Variants in UBE2QL1 observed in about 807,000 individuals in gnomAD.
The protein encoded by UBE2QL1 is ubiquitin conjugating enzyme E2 QL1.
UBE2QL1 carries 5 observed loss-of-function variants against 12.6 expected under a neutral mutation model. The observed-to-expected ratio is 0.40, with a 90% CI of 0.21 to 0.83. The LOEUF (loss-of-function observed/expected upper bound fraction) is 0.83. Among genes scored for constraint, UBE2QL1 ranks in the 40% least tolerant of loss-of-function variants. The pLI is 0.37. For missense variants in UBE2QL1, 99 were observed against 222.6 expected (o/e 0.44, Z 3.53); for synonymous variants, 96 against 94.5 (o/e 1.02, Z -0.10).
intron 1 of UBE2QL1, among the ~76,000 whole-genome samples, chr5:6,486,311 CACACACACACACAA>C (rs972514080): frequency 4.8e-5 from 7 of 144,352 alleles, no homozygotes; most frequent in African/African-American, 1.6e-4. Flanking sequence ...CACACACAAG[CACACACACACACAA>C]GCACACACAC....
chr5:6,478,742 C>T lies in UBE2QL1; in HGVS notation c.355-12476C>T, dbSNP rs1734289394. 6.6e-6 allele frequency among the ~76,000 whole-genome samples: 1 copy of T among 152,028 alleles called. No homozygotes were observed. Among genetic ancestry groups the T allele is most frequent in the African/African-American group, 2.4e-5 (1 of 41,394 alleles). Reference sequence around the variant, plus strand: ...ATGAAGTGTCCTGATCACCCAATGGCACGGGTGATCAAAGCCACAGCAGAC... The same window carrying T: ...ATGAAGTGTCCTGATCACCCAATGGTACGGGTGATCAAAGCCACAGCAGAC... On this transcript the variant is annotated intron_variant, in intron 1 of 1. Coordinates refer to ENST00000399816, the MANE Select transcript of UBE2QL1 (RefSeq NM_001145161.3). The surrounding 1 kb of genome is among the most constrained non-coding windows in gnomAD (Gnocchi z 4.5).
At chr5:6,466,704 C>T (rs147453130) in intron 1 of UBE2QL1, among the ~76,000 whole-genome samples, 13 of 152,222 alleles carry the variant, frequency 8.5e-5, no homozygotes, top group Non-Finnish European at 1.3e-4. Context: ...AAGCCAGGGC[C>T]GTCAAAAGGC....
Position 6,468,764 on chromosome 5 carries a change from A to G in UBE2QL1, c.354+19517A>G, listed in dbSNP as rs549240863. Among the ~76,000 whole-genome samples, 20 of 152,292 alleles carry G rather than the reference A, an allele frequency of 1.3e-4. No individual in the cohort carries two copies. The South Asian group carries it at 4.2e-3, about 32-fold the overall frequency. On this transcript the variant is annotated intron_variant, in intron 1 of 1. Coordinates refer to ENST00000399816, the MANE Select transcript of UBE2QL1 (RefSeq NM_001145161.3). Reference sequence around the variant, plus strand: ...CTTCCGGAAATGATTATTAGTTGTTAATTTTATTGATCAAATTGTTTGAAA... The same window carrying G: ...CTTCCGGAAATGATTATTAGTTGTTGATTTTATTGATCAAATTGTTTGAAA...
rs78484203 is a variant in UBE2QL1, at chr5:6,455,210, G to A, written c.354+5963G>A. ...CTGTTTCTTAGTGGAATGTGCCCAT[G>A]TGGACACTAAGCTGAAGTCTGAATG... On this transcript the variant is annotated intron_variant, in intron 1 of 1. Transcript: ENST00000399816. Among the ~76,000 whole-genome samples the A allele has an allele frequency of 9.4e-3, 1,427 of 152,268 alleles. 12 individuals carry two copies. The highest frequency in any genetic ancestry group is 0.033 in the African/African-American group (1,377 of 41,534).
chr5:6,485,074 ATAAG>A (rs1173357064), intron 1 of UBE2QL1, among the ~76,000 whole-genome samples: 1 of 152,122 alleles, frequency 6.6e-6, no homozygotes, highest in Non-Finnish European at 1.5e-5. Flanking sequence ...ATACATGTGT[ATAAG>A]TACCCACAAA....
intron 1 of UBE2QL1, among the ~76,000 whole-genome samples, chr5:6,461,807 C>T (rs1739672936): frequency 2.0e-5 from 3 of 152,260 alleles, no homozygotes; most frequent in Non-Finnish European, 2.9e-5. Context: ...TTCCGATCAC[C>T]CTATCCTGAG....
Position 6,495,716 on chromosome 5 carries a change from T to TGTAA in UBE2QL1, c.*4369_*4372dup, listed in dbSNP as rs1473061429. ...CCCTCCAACTGTTTTGGGAAGCTTC[T>TGTAA]GTAAGGGGCTTGGAGCTCAGCCTAT... On this transcript the variant is annotated 3_prime_UTR_variant, in exon 2 of 2. Coordinates refer to ENST00000399816, the MANE Select transcript of UBE2QL1 (RefSeq NM_001145161.3). Among the ~76,000 whole-genome samples, 1 of 152,200 alleles carries TGTAA rather than the reference T, an allele frequency of 6.6e-6. No homozygotes were observed. Among genetic ancestry groups the TGTAA allele is most frequent in the African/African-American group, 2.4e-5 (1 of 41,448 alleles).
chr5:6,486,283 C>G (rs1183722228), intron 1 of UBE2QL1, among the ~76,000 whole-genome samples: 2 of 151,898 alleles, frequency 1.3e-5, no homozygotes, highest in Admixed American at 6.6e-5. Flanking sequence ...AATTATGCAA[C>G]TCCTTCCCCA....
chr5:6,481,182 C>G lies in UBE2QL1; in HGVS notation c.355-10036C>G, dbSNP rs1341340997. 2.6e-5 allele frequency among the ~76,000 whole-genome samples: 4 copies of G among 152,106 alleles called. No homozygotes were observed. In the East Asian group the frequency reaches 7.7e-4, roughly 29 times the overall value. On this transcript the variant is annotated intron_variant, in intron 1 of 1. Transcript: ENST00000399816. This position sits in a 1 kb window ranked among gnomAD's most constrained non-coding sequence, Gnocchi z 4.5. Reference sequence around the variant, plus strand: ...CGTTGTGGCTGCACCTGCCCTAATTCCCCGTTTCTAGATTTCCTGCTTCTC... The same window carrying G: ...CGTTGTGGCTGCACCTGCCCTAATTGCCCGTTTCTAGATTTCCTGCTTCTC...
chr5:6,453,455 T>G (rs990731030), intron 1 of UBE2QL1, among the ~76,000 whole-genome samples: 2 of 152,206 alleles, frequency 1.3e-5, no homozygotes, highest in Non-Finnish European at 2.9e-5. Flanking sequence ...TCACAGAACA[T>G]CAGGACTAAA....
chr5:6,489,454 TA>T, intron 1 of UBE2QL1, among the ~76,000 whole-genome samples: 2 of 151,282 alleles, frequency 1.3e-5, no homozygotes, highest in South Asian at 2.1e-4. Flanking sequence ...AAAAATTTTT[TA>T]AAAAAGGAAA....
rs1490792147 is a variant in UBE2QL1 at position 6,494,224 on chromosome 5, T to G, written c.*2875T>G. On this transcript the variant is annotated 3_prime_UTR_variant, in exon 2 of 2. Transcript: ENST00000399816. ...ACTGCTGGGTAAGGCCTGCACATGG[T>G]CTGTCTGTAACTTTCTAGAAGACTG... 1 of 152,212 alleles carries G rather than the reference T, an allele frequency of 6.6e-6. No individual in the cohort carries two copies. The highest frequency in any genetic ancestry group is 1.9e-4 in the East Asian group (1 of 5,200). 9.4% of individuals were successfully genotyped at this position (152,212 alleles called of 1,614,324 possible). A position where few individuals can be genotyped will look rare whatever the true frequency, so the allele number is the denominator to read the frequency against.
chr5:6,473,689 G>A (rs913261693), intron 1 of UBE2QL1, among the ~76,000 whole-genome samples: 5 of 152,304 alleles, frequency 3.3e-5, no homozygotes, highest in Non-Finnish European at 4.4e-5. Flanking sequence ...TCCCAGTGAC[G>A]CAGAAAACCT....
intron 1 of UBE2QL1, among the ~76,000 whole-genome samples, chr5:6,468,457 C>T (rs930034988): frequency 6.6e-6 from 1 of 152,096 alleles, no homozygotes; most frequent in Non-Finnish European, 1.5e-5. Flanking sequence ...GACACTCAGG[C>T]GGGACAACAG....
chr5:6,461,540 A>ACCCCCCCCCCCCCCCCCCCCCCC (rs71606052), intron 1 of UBE2QL1, among the ~76,000 whole-genome samples: 1 of 46,772 alleles, frequency 2.1e-5, no homozygotes, highest in Non-Finnish European at 4.8e-5. Context: ...TTCAGCACCC[A>ACCCCCCCCCCCCCCCCCCCCCCC]CCACCCCCCC....
At position 6,481,767 on chromosome 5, in the gene UBE2QL1, AACT is replaced by A. The variant is rs1734367436; in HGVS notation, c.355-9450_355-9448del. 6.6e-6 allele frequency among the ~76,000 whole-genome samples: 1 copy of A among 152,102 alleles called. No homozygotes were observed. Among genetic ancestry groups the A allele is most frequent in the South Asian group, 2.1e-4 (1 of 4,814 alleles). ...CTTCTCTGGACCATGACAATAACCT[AACT>A]GGACAACACCCCAAAACTGACCGCC... On this transcript the variant is annotated intron_variant, in intron 1 of 1. Coordinates refer to ENST00000399816, the MANE Select transcript of UBE2QL1 (RefSeq NM_001145161.3). The surrounding 1 kb of genome is among the most constrained non-coding windows in gnomAD (Gnocchi z 4.5).
intron 1 of UBE2QL1, among the ~76,000 whole-genome samples, chr5:6,474,953 T>G (rs1734201450): frequency 1.3e-5 from 2 of 152,228 alleles, no homozygotes; most frequent in Non-Finnish European, 2.9e-5. Flanking sequence ...GAGGAGAGGC[T>G]GGAGCAGTCT....
At chr5:6,484,421 T>C (rs1734426109) in intron 1 of UBE2QL1, among the ~76,000 whole-genome samples, 1 of 152,174 alleles carries the variant, frequency 6.6e-6, no homozygotes, top group Admixed American at 6.5e-5. Flanking sequence ...GCCACACGCA[T>C]GCTCTTCTGC....
intron 1 of UBE2QL1, among the ~76,000 whole-genome samples, chr5:6,460,507 C>T (rs538497897): frequency 1.3e-5 from 2 of 152,306 alleles, no homozygotes; most frequent in East Asian, 3.9e-4. Flanking sequence ...TCACAGGAAA[C>T]TCAGAAGAGC....
Sources: gnomAD v4.1 joint callset for allele counts (sites outside exome capture counted in the v4.1 genomes callset) on GRCh38, gnomAD v4.1.1 for gene constraint, Gnocchi (gnomAD v3.1) non-coding constraint, MANE v1.5 for transcripts, NCBI Gene and HGNC (gene_info 2026-07-23, HGNC 2026-07-21) for gene names.